TMEM123: variants seen among roughly 807,000 people sequenced by gnomAD.
TMEM123 encodes porimin.
TMEM123 carries 16 observed loss-of-function variants against 19.7 expected under a neutral mutation model. That is an observed-to-expected ratio of 0.81 (90% CI 0.55 to 1.23). The LOEUF is 1.23. TMEM123 is among the 50% of genes most tolerant of loss of function. TMEM123 has a pLI of 0.00. For missense variants in TMEM123, 313 were observed against 257.8 expected (o/e 1.21, Z -1.47); for synonymous variants, 118 against 99.4 (o/e 1.19, Z -1.12).
intron 4 of TMEM123, among the ~76,000 whole-genome samples, chr11:102,400,766 G>T (rs1365679317): frequency 6.6e-6 from 1 of 152,164 alleles, no homozygotes; most frequent in Non-Finnish European, 1.5e-5. Context: ...GCCCTTACTA[G>T]AACTCAACCA....
intron 1 of TMEM123, 27 bp downstream of exon 1, chr11:102,452,497 G>C (rs1411122130): frequency 6.7e-7 from 1 of 1,487,630 alleles, no homozygotes; most frequent in Non-Finnish European, 9.0e-7. Flanking sequence ...CCCACGAACG[G>C]GGCTGACGAC....
chr11:102,415,914 TATTATC>T (rs796202281), intron 2 of TMEM123, among the ~76,000 whole-genome samples: 3,404 of 35,434 alleles, frequency 0.096, 124 homozygotes, highest in African/African-American at 0.22. Flanking sequence ...TTATTATTAT[TATTATC>T]ATCATTATTT....
chr11:102,439,589 G>A (rs1445860139), intron 2 of TMEM123, among the ~76,000 whole-genome samples: 2 of 152,148 alleles, frequency 1.3e-5, no homozygotes, highest in East Asian at 3.8e-4. Flanking sequence ...CACAAAGATG[G>A]GGAGAAACCA....
intron 2 of TMEM123, among the ~76,000 whole-genome samples, chr11:102,419,485 A>C (rs1469224295): frequency 6.6e-6 from 1 of 152,222 alleles, no homozygotes; most frequent in Non-Finnish European, 1.5e-5. Context: ...GAGAACTAGA[A>C]AGTCTCCTCC....
intron 2 of TMEM123, among the ~76,000 whole-genome samples, chr11:102,423,522 A>T (rs1952102809): frequency 6.6e-6 from 1 of 152,216 alleles, no homozygotes. Context: ...AGCAAGCCAC[A>T]CTGGAAGAAA....
intron 2 of TMEM123, among the ~76,000 whole-genome samples, chr11:102,419,837 C>T (rs1952071290): frequency 6.6e-6 from 1 of 152,228 alleles, no homozygotes; most frequent in African/African-American, 2.4e-5. Flanking sequence ...TTCTATCCAT[C>T]AGCTCTTCAA....
chr11:102,438,489 A>C (rs561603294), intron 2 of TMEM123, among the ~76,000 whole-genome samples: 2 of 152,348 alleles, frequency 1.3e-5, no homozygotes, highest in East Asian at 1.9e-4. Context: ...CTTGTGCCTA[A>C]AACAGTGACT....
chr11:102,425,758 A>G (rs1314991117), intron 2 of TMEM123, among the ~76,000 whole-genome samples: 3 of 150,700 alleles, frequency 2.0e-5, no homozygotes, highest in African/African-American at 7.3e-5. Context: ...TAATTTTTGT[A>G]TTTTTTGTGG....
intron 2 of TMEM123, among the ~76,000 whole-genome samples, chr11:102,412,650 T>A (rs547559935): frequency 6.6e-5 from 10 of 152,224 alleles, no homozygotes; most frequent in African/African-American, 2.4e-4. Context: ...GTGAAAAGTA[T>A]CACTAGAAAT....
chr11:102,403,576 C>T (rs574962470), intron 2 of TMEM123, among the ~76,000 whole-genome samples: 9 of 152,282 alleles, frequency 5.9e-5, no homozygotes, highest in African/African-American at 2.2e-4. Context: ...TTTCCTGTCT[C>T]ATAGTTTATT....
In TMEM123 at chr11:102,402,036, T is replaced by G. The variant is rs537785914; in HGVS notation, c.328A>C (p.Thr110Pro). The G allele has an allele frequency of 6.2e-7, 1 of 1,614,040 alleles. No individual in the cohort carries two copies. Among genetic ancestry groups the G allele is most frequent in the Non-Finnish European group, 8.5e-7 (1 of 1,179,996 alleles). The change falls in exon 3 of 5, where the codon ACC (threonine) becomes CCC (proline). Residue 110 changes from threonine (T) to proline (P), a missense_variant. Coordinates refer to ENST00000398136, the MANE Select transcript of TMEM123 (RefSeq NM_052932.3). ...GTTTTGGGTGTAGACTTTAAGGTGGTAGAAGTCATATTTGTTGAGACCATC... is the reference window on the plus strand; with the variant it reads ...GTTTTGGGTGTAGACTTTAAGGTGGGAGAAGTCATATTTGTTGAGACCATC... ...PGMVSTNMTS[T>P]TLKSTPKTTS...
intron 2 of TMEM123, among the ~76,000 whole-genome samples, chr11:102,433,816 T>C (rs1392846442): frequency 1.3e-5 from 2 of 151,774 alleles, no homozygotes; most frequent in Admixed American, 6.6e-5. Context: ...TCATGAGATC[T>C]GATGGTTTTA....
At chr11:102,434,801 G>A (rs1482628598) in intron 2 of TMEM123, among the ~76,000 whole-genome samples, 3 of 151,740 alleles carry the variant, frequency 2.0e-5, no homozygotes, top group Non-Finnish European at 4.4e-5. Context: ...TCATTCTTCT[G>A]CATGTGGATA....
chr11:102,448,776 A>G, intron 2 of TMEM123, 36 bp downstream of exon 2: 1 of 1,603,388 alleles, frequency 6.2e-7, no homozygotes, highest in Non-Finnish European at 8.5e-7. Flanking sequence ...ACCCTAGACA[A>G]ATGAAAATTT....
intron 1 of TMEM123, among the ~76,000 whole-genome samples, chr11:102,449,992 C>G (rs1857922168): frequency 6.6e-6 from 1 of 152,144 alleles, no homozygotes; most frequent in African/African-American, 2.4e-5. Flanking sequence ...TGCTCCTCCC[C>G]CAACCTTCCC....
At chr11:102,399,013 T>C (rs533117894) in intron 4 of TMEM123, 122 bp from the exon 5 acceptor site, 2 of 880,500 alleles carry the variant, frequency 2.3e-6, no homozygotes, top group African/African-American at 1.7e-5. Flanking sequence ...AAATGGTCAG[T>C]GTTCTGTGTA....
intron 2 of TMEM123, among the ~76,000 whole-genome samples, chr11:102,438,923 G>A (rs1196254330): frequency 6.6e-6 from 1 of 152,192 alleles, no homozygotes; most frequent in African/African-American, 2.4e-5. Context: ...TTAGCAAATG[G>A]CACACCAGGA....
intron 2 of TMEM123, among the ~76,000 whole-genome samples, chr11:102,403,961 C>T (rs897816267): frequency 4.6e-5 from 7 of 152,182 alleles, no homozygotes; most frequent in Non-Finnish European, 7.3e-5. Flanking sequence ...CCAGGGCTTG[C>T]AGAACTTTCC....
chr11:102,448,629 C>A (rs554980579), intron 2 of TMEM123, among the ~76,000 whole-genome samples, 183 bp downstream of exon 2: 1 of 152,308 alleles, frequency 6.6e-6, no homozygotes, highest in East Asian at 1.9e-4. Flanking sequence ...GAAGATTAAT[C>A]CAGTGAACTA....
Sources: gnomAD v4.1 joint callset for allele counts (sites outside exome capture counted in the v4.1 genomes callset) on GRCh38, gnomAD v4.1.1 for gene constraint, MANE v1.5 for transcripts, NCBI Gene and HGNC (gene_info 2026-07-23, HGNC 2026-07-21) for gene names.